Variants in KCTD15 observed in about 807,000 individuals in gnomAD.
The protein encoded by KCTD15 is BTB/POZ domain-containing protein KCTD15.
In KCTD15, 11 loss-of-function variants were observed where a neutral mutation model predicts 27.2. The observed-to-expected ratio is 0.41, with a 90% CI of 0.25 to 0.67. The LOEUF (loss-of-function observed/expected upper bound fraction) is 0.67. Ranked by LOEUF, KCTD15 falls within the 30% of genes least tolerant of loss-of-function variation. The pLI, the probability that KCTD15 is intolerant of heterozygous loss-of-function variation, is 0.35. For missense variants in KCTD15, 350 were observed against 409.3 expected (o/e 0.86, Z 1.25); for synonymous variants, 163 against 176.0 (o/e 0.93, Z 0.58).
At chr19:33,809,924 C>T (rs1975836205) in intron 5 of KCTD15, among the ~76,000 whole-genome samples, 1 of 152,028 alleles carries the variant, frequency 6.6e-6, no homozygotes, top group Non-Finnish European at 1.5e-5. Flanking sequence ...GAGCAGAGGC[C>T]CAGGATAGAG....
chr19:33,805,446 C>T (rs909606898), intron 4 of KCTD15, among the ~76,000 whole-genome samples: 3 of 152,220 alleles, frequency 2.0e-5, no homozygotes, highest in Non-Finnish European at 4.4e-5. Flanking sequence ...GGGCAGGGCC[C>T]TGGAGACGGC....
At chr19:33,811,944 G>T in intron 6 of KCTD15, 1 of 1,530,572 alleles carries the variant, frequency 6.5e-7, no homozygotes. Flanking sequence ...CCCTCTCCCT[G>T]CTGACCTGGG....
intron 4 of KCTD15, among the ~76,000 whole-genome samples, 182 bp from the exon 5 acceptor site, chr19:33,806,681 T>C (rs1431675335): frequency 6.6e-6 from 1 of 152,134 alleles, no homozygotes; most frequent in African/African-American, 2.4e-5. Context: ...TCCTGTTAAC[T>C]GTAGCCTGGC....
intron 6 of KCTD15, 170 bp from the exon 7 acceptor site, chr19:33,812,620 G>A: frequency 1.5e-6 from 2 of 1,293,926 alleles, no homozygotes; most frequent in South Asian, 2.7e-5. Flanking sequence ...CTCTGGTGGT[G>A]GAACCCAGCA....
At chr19:33,809,582 A>G (rs1599685588) in intron 5 of KCTD15, among the ~76,000 whole-genome samples, 3 of 151,910 alleles carry the variant, frequency 2.0e-5, no homozygotes, top group Non-Finnish European at 1.5e-5. Flanking sequence ...TTAAAATCTC[A>G]GGAGAATGGC....
intron 6 of KCTD15, chr19:33,811,856 G>C: frequency 4.4e-6 from 7 of 1,603,728 alleles, no homozygotes; most frequent in Non-Finnish European, 5.9e-6. Flanking sequence ...CCCAGAGTCT[G>C]ACTTTGGATT....
At chr19:33,811,748 C>A in intron 6 of KCTD15, 196 bp downstream of exon 6, 1 of 1,583,996 alleles carries the variant, frequency 6.3e-7, no homozygotes. Flanking sequence ...GGGGGATGGA[C>A]TTAAAAAAAT....
In KCTD15 at chr19:33,807,014, C is replaced by T; in HGVS notation, c.387+7C>T. The T allele has an allele frequency of 1.2e-6, 2 of 1,613,282 alleles. No individual in the cohort carries two copies. Among genetic ancestry groups the T allele is most frequent in the East Asian group, 4.5e-5 (2 of 44,872 alleles). Reference sequence around the variant, plus strand: ...GCTTCCGGATGACTTTAAGGTAAGTCCATGGCTGGTGGCCCCCCTGCACTG... The same window carrying T: ...GCTTCCGGATGACTTTAAGGTAAGTTCATGGCTGGTGGCCCCCCTGCACTG... On this transcript the variant is annotated splice_region_variant and intron_variant, in intron 5 of 6. Coordinates refer to ENST00000683859, the MANE Select transcript of KCTD15 (RefSeq NM_001129994.2).
intron 6 of KCTD15, 115 bp downstream of exon 6, chr19:33,811,667 C>T (rs780052764): frequency 1.3e-6 from 2 of 1,509,490 alleles, no homozygotes; most frequent in East Asian, 4.5e-5. Context: ...CCCCCCGTGC[C>T]ATCCTACAAA....
intron 2 of KCTD15, chr19:33,799,811 CAA>C (rs1427155853): frequency 6.5e-6 from 1 of 152,758 alleles, no homozygotes; most frequent in Non-Finnish European, 1.5e-5. Flanking sequence ...ACTAGGCAAA[CAA>C]AGACAGGTTT....
At chr19:33,795,321 G>A (rs1975281961), upstream of KCTD15, among the ~76,000 whole-genome samples, 1 of 152,136 alleles carries the variant, frequency 6.6e-6, no homozygotes, top group Non-Finnish European at 1.5e-5. Flanking sequence ...GCGCTGTCTG[G>A]ACGCTCTCTC....
intron 1 of KCTD15, chr19:33,797,257 TGTGTGTGTGTGTGTGTGTGTGTGTGTGC>T: frequency 8.7e-6 from 2 of 230,378 alleles, no homozygotes; most frequent in South Asian, 5.4e-5. Flanking sequence ...GGTGTGTGTG[TGTGTGTGTGTGTGTGTGTGTGTGTGTGC>T]GCGCGCGCGC....
In KCTD15 at chr19:33,810,236, T is replaced by C. The variant is rs555148247; in HGVS notation, c.388-1011T>C. On this transcript the variant is annotated intron_variant, in intron 5 of 6. Transcript: ENST00000683859. ...GAGGGACAGTCTGTGCGAGGCTGCT[T>C]AGCCCAGAAGGGGGCTGCGTGGCAG... Among the ~76,000 whole-genome samples, 74 of 152,296 alleles carry C rather than the reference T, an allele frequency of 4.9e-4. 1 individual carries two copies. In the South Asian group the frequency reaches 0.014, roughly 29 times the overall value.
At chr19:33,806,563 A>G (rs910784812) in intron 4 of KCTD15, among the ~76,000 whole-genome samples, 1 of 152,052 alleles carries the variant, frequency 6.6e-6, no homozygotes, top group Non-Finnish European at 1.5e-5. Context: ...GTGTCTTGCT[A>G]TACCTTTCCA....
intron 2 of KCTD15, among the ~76,000 whole-genome samples, chr19:33,799,433 G>C (rs1975455624): frequency 6.6e-6 from 1 of 152,218 alleles, no homozygotes; most frequent in Admixed American, 6.5e-5. Context: ...CTGTGGATGT[G>C]TGAAGGGGGG....
intron 1 of KCTD15, 190 bp from the exon 2 acceptor site, chr19:33,798,478 C>T (rs566339406): frequency 6.6e-6 from 1 of 152,360 alleles, no homozygotes; most frequent in Admixed American, 6.5e-5. Context: ...CCGGGTCTCC[C>T]GCCGCAGCTG....
At chr19:33,794,170 A>T (rs896951645), upstream of KCTD15, among the ~76,000 whole-genome samples, 2 of 152,242 alleles carry the variant, frequency 1.3e-5, no homozygotes, top group African/African-American at 4.8e-5. Flanking sequence ...CTCTTAAACA[A>T]TGACACTTAG....
chr19:33,811,177 T>TGC, intron 5 of KCTD15, 70 bp from the exon 6 acceptor site: 64 of 786,058 alleles, frequency 8.1e-5, no homozygotes, highest in Middle Eastern at 4.2e-4. Context: ...GCAGGCCGCC[T>TGC]CCCCTCTCCC....
upstream of KCTD15, among the ~76,000 whole-genome samples, chr19:33,795,306 C>T (rs1975281032): frequency 6.6e-6 from 1 of 152,168 alleles, no homozygotes; most frequent in African/African-American, 2.4e-5. Flanking sequence ...AAAGAAGTTA[C>T]GGAAGCGCTG....
Sources: gnomAD v4.1 joint callset for allele counts (sites outside exome capture counted in the v4.1 genomes callset) on GRCh38, gnomAD v4.1.1 for gene constraint, MANE v1.5 for transcripts, NCBI Gene and HGNC (gene_info 2026-07-23, HGNC 2026-07-21) for gene names.